Variants in TRPV1 observed in about 807,000 individuals in gnomAD.
The protein encoded by TRPV1 is OTRPC1.
A neutral mutation model predicts 82.3 loss-of-function variants in TRPV1; 82 were observed. That is an observed-to-expected ratio of 1.00 (90% confidence interval 0.83 to 1.20). The LOEUF (loss-of-function observed/expected upper bound fraction) is 1.20. Ranked by LOEUF, TRPV1 falls within the 50% of genes most tolerant of loss-of-function variation. The pLI is 0.00. For missense variants in TRPV1, 1,067 were observed against 1,096.8 expected, an observed-to-expected ratio of 0.97 and a Z score of 0.38; for synonymous variants, 515 against 467.7, an observed-to-expected ratio of 1.10 and a Z score of -1.30.
chr17:3,600,764 CCTGCCCTGGCCACTCCTG>C (rs1349388482), intron 2 of TRPV1, among the ~76,000 whole-genome samples: 2 of 152,292 alleles, frequency 1.3e-5, no homozygotes, highest in East Asian at 3.9e-4. Flanking sequence ...CGGCCCTCCT[CCTGCCCTGGCCACTCCTG>C]CCGGGACTCC....
At chr17:3,603,369 A>T (rs2075277591) in intron 2 of TRPV1, among the ~76,000 whole-genome samples, 1 of 152,034 alleles carries the variant, frequency 6.6e-6, no homozygotes, top group African/African-American at 2.4e-5. Context: ...CAGGGCAGGG[A>T]CTGGGAACAA....
At chr17:3,603,461 G>A (rs1193838973) in intron 2 of TRPV1, among the ~76,000 whole-genome samples, 8 of 152,184 alleles carry the variant, frequency 5.3e-5, no homozygotes, top group African/African-American at 7.2e-5. Context: ...GCTAGATGCC[G>A]GCTGTATGGA....
chr17:3,598,596 C>G (rs1203428777), intron 2 of TRPV1, among the ~76,000 whole-genome samples: 1 of 139,832 alleles, frequency 7.2e-6, no homozygotes, highest in Non-Finnish European at 1.5e-5. Flanking sequence ...GATGGTGTCT[C>G]GCTCTGTCTC....
intron 13 of TRPV1, among the ~76,000 whole-genome samples, chr17:3,575,076 A>G (rs1413010535): frequency 6.6e-6 from 1 of 152,196 alleles, no homozygotes; most frequent in Non-Finnish European, 1.5e-5. Flanking sequence ...CCATGAAAAC[A>G]AAAGACTCCA....
chr17:3,572,561 G>C (rs1181958027), intron 14 of TRPV1, among the ~76,000 whole-genome samples: 2 of 152,260 alleles, frequency 1.3e-5, no homozygotes, highest in Non-Finnish European at 2.9e-5. Context: ...GCAACATAGG[G>C]TAGGGCTGAG....
intron 10 of TRPV1, among the ~76,000 whole-genome samples, chr17:3,581,981 G>A (rs1449143581): frequency 1.9e-4 from 27 of 145,494 alleles, no homozygotes; most frequent in South Asian, 9.0e-4. Flanking sequence ...ACGAGGTCAG[G>A]AGATCGAGAC....
Position 3,592,278 on chromosome 17 carries a change from G to A in TRPV1, c.73C>T (p.Leu25=). ...GGCCTGGAGTTAGGGTCTCCATCCAGGGGGTCTGGGCAGGTGTCCTTTTGG... is the reference window on the plus strand; with the variant it reads ...GGCCTGGAGTTAGGGTCTCCATCCAAGGGGTCTGGGCAGGTGTCCTTTTGG... ...PLQKDTCPDP[L]DGDPNSRPPP... Residue 25 remains leucine (L), a synonymous_variant, in exon 3 of 17, where the codon CTG becomes TTG. Coordinates refer to ENST00000572705, the MANE Select transcript of TRPV1 (RefSeq NM_080704.4). 2 of 1,605,628 alleles carry A rather than the reference G, an allele frequency of 1.2e-6. No homozygotes were observed.
rs548182100 is a variant in TRPV1 at position 3,594,756 on chromosome 17, C to T, written c.-33-2373G>A. Among the ~76,000 whole-genome samples the T allele has an allele frequency of 3.9e-5, 6 of 152,324 alleles. No individual in the cohort carries two copies. In the East Asian group the frequency reaches 9.6e-4, roughly 24 times the overall value. ...GGGGCACAGAGAGGAGTCAGCTCCC[C>T]GCTGAGACAGAAACCAGGTACTGGC... On this transcript the variant is annotated intron_variant, in intron 2 of 16. Coordinates refer to ENST00000572705, the MANE Select transcript of TRPV1 (RefSeq NM_080704.4).
At chr17:3,576,982 G>T in intron 13 of TRPV1, 144 bp downstream of exon 13, 1 of 760,204 alleles carries the variant, frequency 1.3e-6, no homozygotes, top group Non-Finnish European at 2.1e-6. Context: ...GCTCATTTCA[G>T]TGTGTCCTCT....
At chr17:3,582,803 C>CA (rs1338341043) in intron 10 of TRPV1, among the ~76,000 whole-genome samples, 5 of 151,860 alleles carry the variant, frequency 3.3e-5, no homozygotes, top group Middle Eastern at 6.8e-3. Flanking sequence ...ACTAAAAATA[C>CA]AAAAAAATTA....
At chr17:3,569,986 GGTCAGGGAGGAGGGGCCAAGC>G (rs2150823316) in intron 16 of TRPV1, among the ~76,000 whole-genome samples, 2 of 149,924 alleles carry the variant, frequency 1.3e-5, no homozygotes, top group African/African-American at 5.0e-5. Flanking sequence ...GGGGCCAAGC[GGTCAGGGAGGAGGGGCCAAGC>G]GGTCAGGGAG....
rs1197245682 is a variant in TRPV1 at position 3,592,280 on chromosome 17, G to A, written c.71C>T (p.Pro24Leu). The part of the protein sequence containing the change: ...DPLQKDTCPD[P>L]LDGDPNSRPP... The stretch of plus-strand genomic sequence containing the variant: ...CCTGGAGTTAGGGTCTCCATCCAGG[G>A]GGTCTGGGCAGGTGTCCTTTTGGAG... Residue 24 changes from proline to leucine, a missense_variant, in exon 3 of 17, where the codon CCC becomes CTC. Pro to Leu is a moderately conservative substitution (Grantham distance 98). Coordinates refer to ENST00000572705, the MANE Select transcript of TRPV1 (RefSeq NM_080704.4). The A allele has an allele frequency of 7.5e-6, 12 of 1,605,526 alleles. No individual in the cohort carries two copies. The African/African-American group carries it at 8.0e-5, about 11-fold the overall frequency.
At position 3,591,288 on chromosome 17, in the gene TRPV1, C is replaced by T. The variant is rs756708941; in HGVS notation, c.350G>A (p.Ser117Asn). The T allele has an allele frequency of 1.7e-5, 27 of 1,612,900 alleles. No individual in the cohort carries two copies. Among genetic ancestry groups the T allele is most frequent in the Non-Finnish European group, 2.2e-5 (26 of 1,179,718 alleles). The change falls in exon 4 of 17, where the codon AGT becomes AAT. Residue 117 changes from serine (S) to asparagine (N), a missense_variant. Physicochemically the swap from Ser to Asn is conservative, Grantham distance 46 (BLOSUM62 1). Coordinates refer to ENST00000572705, the MANE Select transcript of TRPV1 (RefSeq NM_080704.4). ...EKTLRLYDRR[S>N]IFEAVAQNNC... ...ATTCTGAGCAACGGCTTCAAAGATACTCCTGCGATCATAGAGCCTGAGGGT... is the reference window on the plus strand; with the variant it reads ...ATTCTGAGCAACGGCTTCAAAGATATTCCTGCGATCATAGAGCCTGAGGGT...
Position 3,590,410 on chromosome 17 carries a change from G to T in TRPV1, c.605-18C>A, listed in dbSNP as rs200480880. On this transcript the variant is annotated intron_variant, in intron 5 of 16. Coordinates refer to ENST00000572705, the MANE Select transcript of TRPV1 (RefSeq NM_080704.4). ...TGTCTGGCCTACAGAGGACGCGCAC[G>T]GTTGGCTTCGTGGTCACGGTCCTGT... is the stretch of plus-strand genomic sequence containing the variant. 27 of 1,610,012 alleles carry T rather than the reference G, an allele frequency of 1.7e-5. No homozygotes were observed. Among genetic ancestry groups the T allele is most frequent in the African/African-American group, 2.7e-5 (2 of 74,782 alleles).
chr17:3,606,617 G>A (rs970595933), intron 2 of TRPV1, among the ~76,000 whole-genome samples: 2 of 152,192 alleles, frequency 1.3e-5, no homozygotes, highest in African/African-American at 2.4e-5. Context: ...TCCTGGGAAG[G>A]AGGGTGGGTT....
At chr17:3,604,671 A>G (rs1405205264) in intron 2 of TRPV1, among the ~76,000 whole-genome samples, 2 of 152,142 alleles carry the variant, frequency 1.3e-5, no homozygotes, top group Non-Finnish European at 2.9e-5. Flanking sequence ...CATGAAAGCC[A>G]CATACACATG....
intron 11 of TRPV1, chr17:3,578,091 T>C (rs2074958499): frequency 5.1e-6 from 1 of 197,150 alleles, no homozygotes; most frequent in Non-Finnish European, 1.1e-5. Flanking sequence ...GAGCACAAGG[T>C]CAGGAGTTCG....
intron 10 of TRPV1, among the ~76,000 whole-genome samples, chr17:3,582,876 G>C (rs1363984116): frequency 7.0e-6 from 1 of 143,030 alleles, no homozygotes; most frequent in African/African-American, 2.5e-5. Flanking sequence ...GAACCCAAGA[G>C]GCGGAGGTTG....
At chr17:3,578,218 G>GA (rs2074959743) in intron 11 of TRPV1, 1 of 155,618 alleles carries the variant, frequency 6.4e-6, no homozygotes, top group Non-Finnish European at 1.4e-5. Context: ...TGAGGCAGGA[G>GA]AATCACCTGA....
Sources: gnomAD v4.1 joint callset for allele counts (sites outside exome capture counted in the v4.1 genomes callset) on GRCh38, gnomAD v4.1.1 for gene constraint, MANE v1.5 for transcripts, NCBI Gene and HGNC (gene_info 2026-07-23, HGNC 2026-07-21) for gene names.